The following NMBR variants were observed in gnomAD, a reference collection of about 807,000 sequenced individuals.
The protein encoded by NMBR is neuromedin B receptor.
A neutral mutation model predicts 20.5 loss-of-function variants in NMBR; 16 were observed. The observed-to-expected ratio is 0.78, with a 90% CI of 0.53 to 1.19. NMBR has a LOEUF of 1.19. Ranked by LOEUF, NMBR falls within the 50% of genes most tolerant of loss-of-function variation. The pLI is 0.00. For missense variants in NMBR, 582 were observed against 499.1 expected, an observed-to-expected ratio of 1.17 and a Z score of -1.58; for synonymous variants, 212 against 196.6, an observed-to-expected ratio of 1.08 and a Z score of -0.65.
intron 1 of NMBR, among the ~76,000 whole-genome samples, chr6:142,114,434 G>A (rs765599996): frequency 6.6e-6 from 1 of 151,996 alleles, no homozygotes; most frequent in Non-Finnish European, 1.5e-5. Flanking sequence ...GATGGATCAT[G>A]CTAATAAATG....
At chr6:142,090,050 T>A (rs1777293199) in intron 1 of NMBR, among the ~76,000 whole-genome samples, 1 of 152,164 alleles carries the variant, frequency 6.6e-6, no homozygotes, top group Non-Finnish European at 1.5e-5. Context: ...TATGATTGAG[T>A]AATGCCACTC....
intron 1 of NMBR, among the ~76,000 whole-genome samples, chr6:142,094,525 C>A (rs1026286359): frequency 4.6e-5 from 7 of 152,100 alleles, no homozygotes; most frequent in African/African-American, 1.7e-4. Context: ...TGTTTTGGTA[C>A]CAGTACCATG....
At chr6:142,137,927 A>G (rs1778291495) in intron 1 of NMBR, among the ~76,000 whole-genome samples, 1 of 152,068 alleles carries the variant, frequency 6.6e-6, no homozygotes, top group South Asian at 2.1e-4. Flanking sequence ...TACCAAATAA[A>G]TAAAAAATGC....
chr6:142,077,738 C>A (rs1374455487), intron 3 of NMBR, among the ~76,000 whole-genome samples: 1 of 152,190 alleles, frequency 6.6e-6, no homozygotes, highest in Non-Finnish European at 1.5e-5. Context: ...GATTCAATTT[C>A]TTTGCCTTTA....
intron 1 of NMBR, among the ~76,000 whole-genome samples, chr6:142,126,586 AAT>A (rs1177930315): frequency 6.6e-6 from 1 of 151,682 alleles, no homozygotes; most frequent in Non-Finnish European, 1.5e-5. Flanking sequence ...TTTATTTTAT[AAT>A]AGCCATTCTA....
At chr6:142,079,435 T>C (rs1033241654) in intron 2 of NMBR, among the ~76,000 whole-genome samples, 1 of 152,180 alleles carries the variant, frequency 6.6e-6, no homozygotes, top group Non-Finnish European at 1.5e-5. Flanking sequence ...TAAATCCTAG[T>C]CATTTCATTT....
intron 1 of NMBR, among the ~76,000 whole-genome samples, chr6:142,146,781 C>T (rs77108048): frequency 1.1e-3 from 171 of 152,240 alleles, no homozygotes; most frequent in African/African-American, 3.9e-3. Context: ...AATTTAAACA[C>T]ATTATTTCTC....
rs770771507 is a variant in NMBR at position 142,088,276 on chromosome 6, C to A, written c.383G>T (p.Gly128Val). Residue 128 changes from glycine (G) to valine (V), a missense_variant, in exon 2 of 4, where the codon GGG becomes GTG. Coordinates refer to ENST00000258042, the MANE Select transcript of NMBR (RefSeq NM_002511.4). ...GGCAGTGAGAGTGAACACGGAAACC[C>A]CCACGGAAGTGAGCTGGATGACAGG... is the stretch of plus-strand genomic sequence containing the variant. ...LIPVIQLTSV[G>V]VSVFTLTALS... 1 of 1,613,642 alleles carries A rather than the reference C, an allele frequency of 6.2e-7. No individual in the cohort carries two copies. The highest frequency in any genetic ancestry group is 8.5e-7 in the Non-Finnish European group (1 of 1,180,016).
intron 1 of NMBR, among the ~76,000 whole-genome samples, chr6:142,113,751 A>C (rs867596563): frequency 6.6e-6 from 1 of 152,206 alleles, no homozygotes; most frequent in African/African-American, 2.4e-5. Context: ...TTTGGAAGCA[A>C]CTATTTAGTT....
intron 1 of NMBR, among the ~76,000 whole-genome samples, chr6:142,145,948 G>C (rs999822855): frequency 6.6e-6 from 1 of 152,170 alleles, no homozygotes; most frequent in Non-Finnish European, 1.5e-5. Context: ...TAAATGAAAA[G>C]TTGTGAGTAT....
intron 1 of NMBR, among the ~76,000 whole-genome samples, chr6:142,108,250 A>G (rs1355460329): frequency 6.6e-6 from 1 of 152,210 alleles, no homozygotes; most frequent in African/African-American, 2.4e-5. Context: ...TCCAAATAGG[A>G]CAAACACAAA....
At chr6:142,078,042 C>A (rs1246677983) in intron 3 of NMBR, among the ~76,000 whole-genome samples, 1 of 152,124 alleles carries the variant, frequency 6.6e-6, no homozygotes. Context: ...TTGGATTGCA[C>A]CTTTGGGTTC....
At chr6:142,102,794 G>A (rs1206326123) in intron 1 of NMBR, among the ~76,000 whole-genome samples, 3 of 152,152 alleles carry the variant, frequency 2.0e-5, no homozygotes, top group South Asian at 2.1e-4. Flanking sequence ...AAAGTTGTCC[G>A]TGTATAAGGC....
chr6:142,083,682 T>G (rs2114560998), intron 2 of NMBR, among the ~76,000 whole-genome samples: 1 of 152,210 alleles, frequency 6.6e-6, no homozygotes. Context: ...CACTTCCCCC[T>G]TAGCTCTCTC....
intron 1 of NMBR, among the ~76,000 whole-genome samples, chr6:142,120,469 A>C (rs183264295): frequency 1.4e-3 from 206 of 152,060 alleles, no homozygotes; most frequent in Middle Eastern, 0.01. Flanking sequence ...TAGAAGCTAA[A>C]CAGGGAGAAC....
intron 1 of NMBR, among the ~76,000 whole-genome samples, chr6:142,108,913 A>G (rs1441545296): frequency 6.6e-6 from 1 of 152,218 alleles, no homozygotes; most frequent in African/African-American, 2.4e-5. Flanking sequence ...ATCAAAAGCA[A>G]GTTACTTACT....
rs140050744 is a variant in NMBR, at chr6:142,126,808, A to G, written c.-664+20236T>C. 3.7e-3 allele frequency among the ~76,000 whole-genome samples: 294 copies of G among 78,732 alleles called. 3 individuals carry two copies. The highest frequency in any genetic ancestry group is 0.014 in the African/African-American group (269 of 19,832). 51.7% of individuals were successfully genotyped at this position (78,732 alleles called of 152,430 possible). ...CTGTTGAGTTGTATGAGTTCTTCAT[A>G]TATTTTGGATATTAACCCTTATCAG... On this transcript the variant is annotated intron_variant, in intron 1 of 3. Coordinates refer to ENST00000258042, the MANE Select transcript of NMBR (RefSeq NM_002511.4).
intron 1 of NMBR, among the ~76,000 whole-genome samples, chr6:142,108,983 T>C (rs887039752): frequency 2.6e-5 from 4 of 152,084 alleles, no homozygotes; most frequent in African/African-American, 9.7e-5. Context: ...ATGGGAGAAA[T>C]TGACCAAAAC....
chr6:142,131,762 C>T (rs868514812), intron 1 of NMBR, among the ~76,000 whole-genome samples: 5 of 152,188 alleles, frequency 3.3e-5, no homozygotes, highest in African/African-American at 1.2e-4. Flanking sequence ...TGATGCTGCA[C>T]TCCCTTCTTC....
Sources: gnomAD v4.1 joint callset for allele counts (sites outside exome capture counted in the v4.1 genomes callset) on GRCh38, gnomAD v4.1.1 for gene constraint, MANE v1.5 for transcripts, NCBI Gene and HGNC (gene_info 2026-07-23, HGNC 2026-07-21) for gene names.